The following ZC3H13 variants were observed in gnomAD, a reference collection of about 807,000 sequenced individuals.
ZC3H13 encodes zinc finger CCCH-type containing 13, also known as zinc finger CCCH domain-containing protein 13.
ZC3H13 carries 64 observed loss-of-function variants against 204.1 expected under a neutral mutation model. That is an observed-to-expected ratio of 0.31 (90% CI 0.26 to 0.39). The LOEUF (loss-of-function observed/expected upper bound fraction) is 0.39, where lower values mean the gene tolerates loss of function less well. Among genes scored for constraint, ZC3H13 ranks in the 10% least tolerant of loss-of-function variants. The pLI is 1.00. For missense variants in ZC3H13, 1,833 were observed against 2,082.7 expected (o/e 0.88, Z 2.33); for synonymous variants, 667 against 693.7 (o/e 0.96, Z 0.60).
chr13:45,970,325 T>C, intron 13 of ZC3H13, 37 bp downstream of exon 13: 1 of 1,593,890 alleles, frequency 6.3e-7, no homozygotes, highest in Admixed American at 1.7e-5. Flanking sequence ...TACAAATGAA[T>C]ATGAATATAG....
intron 4 of ZC3H13, among the ~76,000 whole-genome samples, chr13:46,028,072 T>G (rs2094245): frequency 6.6e-6 from 1 of 151,978 alleles, no homozygotes; most frequent in African/African-American, 2.4e-5. Context: ...CAATGGTATG[T>G]TGTCTACAAG....
At position 46,022,251 on chromosome 13, in the gene ZC3H13, A is replaced by G. The variant is rs2042262820; in HGVS notation, c.340-1694T>C. Reference sequence around the variant, plus strand: ...TCATATATAACTTCTATTATTAGGTACTAGAGACTGAATGCAGGCTTAAAT... The same window carrying G: ...TCATATATAACTTCTATTATTAGGTGCTAGAGACTGAATGCAGGCTTAAAT... On this transcript the variant is annotated intron_variant, in intron 4 of 18. Coordinates refer to ENST00000679008, the MANE Select transcript of ZC3H13 (RefSeq NM_001330564.2). Among the ~76,000 whole-genome samples, 3 of 151,926 alleles carry G rather than the reference A, an allele frequency of 2.0e-5. No homozygotes were observed. In the South Asian group the frequency reaches 6.2e-4, roughly 31 times the overall value.
chr13:45,971,662 G>A (rs1195941962), intron 12 of ZC3H13, among the ~76,000 whole-genome samples: 5 of 151,968 alleles, frequency 3.3e-5, no homozygotes, highest in Non-Finnish European at 5.9e-5. Context: ...ATAAATAAAT[G>A]GAACCTAATT....
At chr13:46,041,210 G>A (rs2043557007) in intron 4 of ZC3H13, among the ~76,000 whole-genome samples, 1 of 152,046 alleles carries the variant, frequency 6.6e-6, no homozygotes, top group Non-Finnish European at 1.5e-5. Context: ...TAAACAAAAT[G>A]TGATATTATC....
At chr13:45,987,610 G>A (rs766836647) in intron 9 of ZC3H13, among the ~76,000 whole-genome samples, 11 of 151,788 alleles carry the variant, frequency 7.2e-5, no homozygotes, top group Non-Finnish European at 1.0e-4. Flanking sequence ...ATTCTCATCC[G>A]CCATTTTCTT....
chr13:46,049,214 C>T (rs2044228664), intron 1 of ZC3H13, among the ~76,000 whole-genome samples: 1 of 151,492 alleles, frequency 6.6e-6, no homozygotes, highest in African/African-American at 2.4e-5. Context: ...CATACTTTGT[C>T]CTAAAGTAAT....
At chr13:46,031,487 C>A (rs931277698) in intron 4 of ZC3H13, among the ~76,000 whole-genome samples, 2 of 151,686 alleles carry the variant, frequency 1.3e-5, no homozygotes, top group African/African-American at 4.8e-5. Context: ...AAAAAACCAT[C>A]AAAATAATAA....
Position 45,985,366 on chromosome 13 carries a change from A to G in ZC3H13, c.1651T>C (p.Ser551Pro). 1.2e-6 allele frequency: 2 copies of G among 1,613,974 alleles called. No homozygotes were observed. Among genetic ancestry groups the G allele is most frequent in the Non-Finnish European group, 1.7e-6 (2 of 1,179,970 alleles). ...TEIRNESRNE[S>P]RSEIRNDRMG... ...CGGTCATTTCTAATTTCACTTCGAGACTCATTTCTGGACTCATTCCTTATT... is the reference window on the plus strand; with the variant it reads ...CGGTCATTTCTAATTTCACTTCGAGGCTCATTTCTGGACTCATTCCTTATT... Residue 551 changes from serine (S) to proline (P), a missense_variant, in exon 10 of 19, where the codon TCT (serine) becomes CCT (proline). Ser to Pro is a moderately conservative substitution (Grantham distance 74, BLOSUM62 -1). Around this residue, in one of 5 missense-constraint regions of ZC3H13, gnomAD observed 1,574 missense variants for 1,757.2 expected, o/e 0.90. Coordinates refer to ENST00000679008, the MANE Select transcript of ZC3H13 (RefSeq NM_001330564.2).
In ZC3H13 at chr13:45,989,083, G is replaced by T. The variant is rs748084261; in HGVS notation, c.959C>A (p.Ala320Glu). 12 of 1,613,290 alleles carry T rather than the reference G, an allele frequency of 7.4e-6. No individual in the cohort carries two copies. Among genetic ancestry groups the T allele is most frequent in the Non-Finnish European group, 9.3e-6 (11 of 1,179,282 alleles). Reference protein sequence around the residue: ...KRDKPRSTSPAGQHHSPISSR... With the variant: ...KRDKPRSTSPEGQHHSPISSR... ...AGATATAGGAGAATGATGCTGTCCT[G>T]CTGGGGAAGTAGACCTACAAGGGAA... Residue 320 changes from alanine to glutamate, a missense_variant, in exon 9 of 19, where the codon GCA becomes GAA. Ala to Glu is a moderately radical substitution (Grantham distance 107, BLOSUM62 -1). Coordinates refer to ENST00000679008, the MANE Select transcript of ZC3H13 (RefSeq NM_001330564.2).
chr13:45,996,108 T>C (rs755009319), intron 8 of ZC3H13, among the ~76,000 whole-genome samples: 13 of 152,224 alleles, frequency 8.5e-5, no homozygotes, highest in Non-Finnish European at 1.8e-4. Flanking sequence ...GAAGATTTTG[T>C]GTTTAAACCC....
intron 5 of ZC3H13, among the ~76,000 whole-genome samples, chr13:46,016,724 G>A (rs1055211445): frequency 3.9e-5 from 6 of 152,082 alleles, no homozygotes; most frequent in South Asian, 2.1e-4. Context: ...TCCTCTGAAC[G>A]TATAGTATAC....
rs1311395796 is a variant in ZC3H13, at chr13:45,975,720, T to G, written c.2031A>C (p.Arg677Ser). 4 of 1,613,940 alleles carry G rather than the reference T, an allele frequency of 2.5e-6. No homozygotes were observed. The highest frequency in any genetic ancestry group is 2.5e-6 in the Non-Finnish European group (3 of 1,179,944). ...CTCGTTCTCGTTCCCGATCTCTCTC[T>G]CTAGCCCTTTCATCTCTCCTATCAT... The part of the protein sequence containing the change: ...RVDDRRDERA[R>S]ERDRERERDR... Residue 677 changes from arginine (R) to serine (S), a missense_variant, in exon 12 of 19, where the codon AGA becomes AGC. Physicochemically the swap from Arg to Ser is moderately radical, Grantham distance 110. Around this residue, in one of 5 missense-constraint regions of ZC3H13, gnomAD observed 1,574 missense variants for 1,757.2 expected, o/e 0.90. Coordinates refer to ENST00000679008, the MANE Select transcript of ZC3H13 (RefSeq NM_001330564.2).
chr13:45,998,085 T>A (rs1041879343), intron 8 of ZC3H13, among the ~76,000 whole-genome samples: 16 of 152,204 alleles, frequency 1.1e-4, no homozygotes, highest in African/African-American at 3.6e-4. Context: ...ATTATGACAT[T>A]TAAAGTATTT....
chr13:46,029,491 C>A (rs1356311813), intron 4 of ZC3H13, among the ~76,000 whole-genome samples: 2 of 147,050 alleles, frequency 1.4e-5, no homozygotes, highest in African/African-American at 2.5e-5. Context: ...TGCAGTGGCG[C>A]GATCTCGGCT....
intron 5 of ZC3H13, among the ~76,000 whole-genome samples, chr13:46,016,784 G>T (rs1368556147): frequency 6.6e-6 from 1 of 152,108 alleles, no homozygotes; most frequent in East Asian, 1.9e-4. Context: ...TAAAGTGGGG[G>T]ATTAATTAGG....
chr13:46,028,058 G>C lies in ZC3H13; in HGVS notation c.340-7501C>G, dbSNP rs2042649891. The stretch of plus-strand genomic sequence containing the variant: ...ATTCTCGGAGTGGATGGAAAAACAA[G>C]ACCCAATGGTATGTTGTCTACAAGA... On this transcript the variant is annotated intron_variant, in intron 4 of 18. Transcript: ENST00000679008. 2.6e-5 allele frequency among the ~76,000 whole-genome samples: 4 copies of C among 152,110 alleles called. No homozygotes were observed. In the South Asian group the frequency reaches 8.3e-4, roughly 32 times the overall value.
At chr13:46,029,620 G>A (rs530589936) in intron 4 of ZC3H13, among the ~76,000 whole-genome samples, 13 of 151,638 alleles carry the variant, frequency 8.6e-5, no homozygotes, top group African/African-American at 3.1e-4. Context: ...AGTAGAGACG[G>A]GGTTTCACCG....
In ZC3H13 at chr13:46,036,834, T is replaced by C. The variant is rs183266482; in HGVS notation, c.339+5330A>G. 7.5e-3 allele frequency among the ~76,000 whole-genome samples: 1,142 copies of C among 152,248 alleles called. 15 individuals are homozygous for C. Among genetic ancestry groups the C allele is most frequent in the African/African-American group, 0.027 (1,103 of 41,528 alleles). On this transcript the variant is annotated intron_variant, in intron 4 of 18. Coordinates refer to ENST00000679008, the MANE Select transcript of ZC3H13 (RefSeq NM_001330564.2). ...CCCAGGCTCAAGTAATTCTCCTGGC[T>C]CAGCCTCCCGAGTAGCTGGGATTAT...
chr13:46,039,429 A>G lies in ZC3H13; in HGVS notation c.339+2735T>C, dbSNP rs147820757. Among the ~76,000 whole-genome samples, 412 of 152,350 alleles carry G rather than the reference A, an allele frequency of 2.7e-3. 4 individuals are homozygous for G. Among genetic ancestry groups the G allele is most frequent in the African/African-American group, 9.2e-3 (384 of 41,584 alleles). On this transcript the variant is annotated intron_variant, in intron 4 of 18. Coordinates refer to ENST00000679008, the MANE Select transcript of ZC3H13 (RefSeq NM_001330564.2). Reference sequence around the variant, plus strand: ...TACCATTTATTACGCATGTGTCATCATGGAATAGTAAATCATTTACATGTA... The same window carrying G: ...TACCATTTATTACGCATGTGTCATCGTGGAATAGTAAATCATTTACATGTA...
Sources: gnomAD v4.1 joint callset for allele counts (sites outside exome capture counted in the v4.1 genomes callset) on GRCh38, gnomAD v4.1.1 for gene constraint, gnomAD v4.1.1 regional missense constraint, MANE v1.5 for transcripts, NCBI Gene and HGNC (gene_info 2026-07-23, HGNC 2026-07-21) for gene names.